Variants in NKAIN2 observed in about 807,000 individuals in gnomAD.
The protein encoded by NKAIN2 is sodium/potassium transporting ATPase interacting 2, also known as sodium/potassium-transporting ATPase subunit beta-1-interacting protein 2.
A neutral mutation model predicts 32.6 loss-of-function variants in NKAIN2; 14 were observed. The observed-to-expected ratio is 0.43, with a 90% CI of 0.28 to 0.67. The LOEUF is 0.67. Among genes scored for constraint, NKAIN2 ranks in the 30% least tolerant of loss-of-function variants. The pLI is 0.17. For missense variants in NKAIN2, 198 were observed against 258.3 expected, an observed-to-expected ratio of 0.77 and a Z score of 1.60; for synonymous variants, 80 against 87.2, an observed-to-expected ratio of 0.92 and a Z score of 0.46.
chr6:124,200,316 T>G (rs1053742395), intron 1 of NKAIN2, among the ~76,000 whole-genome samples: 7 of 152,074 alleles, frequency 4.6e-5, no homozygotes, highest in Admixed American at 3.9e-4. Context: ...AAACTTCTCA[T>G]AGACATGCAT....
chr6:124,110,049 G>A (rs1412224105), intron 1 of NKAIN2, among the ~76,000 whole-genome samples: 2 of 150,972 alleles, frequency 1.3e-5, no homozygotes, highest in East Asian at 3.9e-4. Flanking sequence ...AGATATTGGT[G>A]TGTAGTTTTC....
intron 3 of NKAIN2, among the ~76,000 whole-genome samples, chr6:124,468,149 G>A (rs62437481): frequency 0.039 from 5,925 of 152,128 alleles, 153 homozygotes; most frequent in Non-Finnish European, 0.06. Context: ...CTAATGTACA[G>A]ATTTTACATC....
rs148665804 is a variant in NKAIN2 at position 124,017,732 on chromosome 6, G to A, written c.54+213478G>A. The stretch of plus-strand genomic sequence containing the variant: ...GCTGATGCAAGAGGTGGGCTCCCTG[G>A]CCTTCTGCAGCTCTACCTCTGTGGC... On this transcript the variant is annotated intron_variant, in intron 1 of 6. Coordinates refer to ENST00000368417, the MANE Select transcript of NKAIN2 (RefSeq NM_001040214.3). 4.9e-3 allele frequency among the ~76,000 whole-genome samples: 740 copies of A among 152,256 alleles called. 4 individuals carry two copies. The highest frequency in any genetic ancestry group is 0.017 in the African/African-American group (697 of 41,552).
chr6:124,700,410 A>C (rs1774718310), intron 4 of NKAIN2, among the ~76,000 whole-genome samples: 2 of 152,186 alleles, frequency 1.3e-5, no homozygotes, highest in Admixed American at 1.3e-4. Flanking sequence ...TTTTTGCCAA[A>C]GCAAGAGGTT....
intron 1 of NKAIN2, among the ~76,000 whole-genome samples, chr6:124,277,182 A>T (rs1795072845): frequency 6.6e-6 from 1 of 152,164 alleles, no homozygotes; most frequent in Non-Finnish European, 1.5e-5. Context: ...CAAAGAGTGG[A>T]TGCTACTGGA....
chr6:123,858,661 T>C (rs1473147150), intron 1 of NKAIN2, among the ~76,000 whole-genome samples: 2 of 152,170 alleles, frequency 1.3e-5, no homozygotes, highest in Non-Finnish European at 2.9e-5. Flanking sequence ...GGACTTCAGG[T>C]CAGACTGTGT....
intron 1 of NKAIN2, among the ~76,000 whole-genome samples, chr6:124,094,560 A>G (rs1054290433): frequency 3.9e-5 from 6 of 152,140 alleles, no homozygotes; most frequent in African/African-American, 1.2e-4. Flanking sequence ...AAGATCAGAG[A>G]TCAGTAATTT....
intron 1 of NKAIN2, among the ~76,000 whole-genome samples, chr6:123,966,580 A>G (rs951651346): frequency 2.0e-5 from 3 of 152,174 alleles, no homozygotes; most frequent in Non-Finnish European, 4.4e-5. Flanking sequence ...AGCTGAGACT[A>G]AACTTTCCAA....
At chr6:124,748,674 G>A (rs529308984) in intron 4 of NKAIN2, among the ~76,000 whole-genome samples, 2 of 151,792 alleles carry the variant, frequency 1.3e-5, no homozygotes, top group African/African-American at 2.4e-5. Flanking sequence ...CAGATCTATC[G>A]TCTTGTTTTC....
At chr6:124,758,611 C>T (rs2114728150) in intron 4 of NKAIN2, among the ~76,000 whole-genome samples, 1 of 152,296 alleles carries the variant, frequency 6.6e-6, no homozygotes, top group African/African-American at 2.4e-5. Flanking sequence ...GCAGTTCCCA[C>T]CTGACCCCAG....
chr6:123,911,785 A>ATGTATTATATATATGTATATATATATATG, intron 1 of NKAIN2, among the ~76,000 whole-genome samples: 1 of 89,674 alleles, frequency 1.1e-5, no homozygotes, highest in South Asian at 3.3e-4. Context: ...ATACATACAT[A>ATGTATTATATATATGTATATATATATATG]TATATATATA....
intron 5 of NKAIN2, among the ~76,000 whole-genome samples, chr6:124,815,402 T>C (rs1362205514): frequency 6.6e-6 from 1 of 151,712 alleles, no homozygotes; most frequent in Non-Finnish European, 1.5e-5. Context: ...CCCGAGTAGC[T>C]GGGATTACAG....
At chr6:124,491,224 A>G (rs1262699563) in intron 3 of NKAIN2, among the ~76,000 whole-genome samples, 2 of 151,892 alleles carry the variant, frequency 1.3e-5, no homozygotes, top group Non-Finnish European at 2.9e-5. Context: ...TGCAGATGAC[A>G]TCAGAGTCAC....
At chr6:124,667,364 A>T (rs1220626702) in intron 4 of NKAIN2, among the ~76,000 whole-genome samples, 1 of 152,186 alleles carries the variant, frequency 6.6e-6, no homozygotes, top group South Asian at 2.1e-4. Flanking sequence ...GCAATAAACA[A>T]TGTATGATCC....
intron 1 of NKAIN2, among the ~76,000 whole-genome samples, chr6:124,017,203 G>A (rs1780615376): frequency 6.6e-6 from 1 of 152,092 alleles, no homozygotes; most frequent in Admixed American, 6.6e-5. Context: ...GATCTAGTGA[G>A]ACTTATTCAC....
chr6:124,403,884 C>A (rs185695567), intron 3 of NKAIN2, among the ~76,000 whole-genome samples: 1 of 152,056 alleles, frequency 6.6e-6, no homozygotes, highest in African/African-American at 2.4e-5. Flanking sequence ...TAGTTCAAAT[C>A]TGTTCTTTCT....
intron 4 of NKAIN2, among the ~76,000 whole-genome samples, chr6:124,714,175 T>A (rs1775637685): frequency 6.6e-6 from 1 of 152,210 alleles, no homozygotes; most frequent in Non-Finnish European, 1.5e-5. Flanking sequence ...GATTCGGATG[T>A]AATCTACATA....
intron 4 of NKAIN2, among the ~76,000 whole-genome samples, chr6:124,666,638 A>G (rs1177927829): frequency 6.6e-6 from 1 of 152,128 alleles, no homozygotes; most frequent in Non-Finnish European, 1.5e-5. Flanking sequence ...CATGTTCTAA[A>G]TTTTATTTCA....
At chr6:123,967,284 T>G (rs1329757483) in intron 1 of NKAIN2, among the ~76,000 whole-genome samples, 1 of 152,246 alleles carries the variant, frequency 6.6e-6, no homozygotes, top group African/African-American at 2.4e-5. Context: ...GAGTTTTCTT[T>G]GAAATTGCAA....
Sources: gnomAD v4.1 joint callset for allele counts (sites outside exome capture counted in the v4.1 genomes callset) on GRCh38, gnomAD v4.1.1 for gene constraint, MANE v1.5 for transcripts, NCBI Gene and HGNC (gene_info 2026-07-23, HGNC 2026-07-21) for gene names.